CYSLTR1: variants seen among roughly 807,000 people sequenced by gnomAD.
CYSLTR1 encodes the protein G-protein coupled receptor HG55.
CYSLTR1 carries 1 observed loss-of-function variant against 2.1 expected under a neutral mutation model. The ratio of observed to expected loss-of-function variants is 0.48; its 90% CI spans 0.17 to 2.28. The LOEUF (loss-of-function observed/expected upper bound fraction) is 2.28. Ranked by LOEUF, CYSLTR1 falls within the 30% of genes most tolerant of loss-of-function variation. The pLI, the probability that CYSLTR1 is intolerant of heterozygous loss-of-function variation, is 0.26. For missense variants in CYSLTR1, 299 were observed against 250.1 expected (o/e 1.20, Z -1.32); for synonymous variants, 110 against 89.6 (o/e 1.23, Z -1.28).
intron 1 of CYSLTR1, among the ~76,000 whole-genome samples, chrX:78,287,260 T>C (rs988234033): frequency 1.8e-5 from 2 of 112,129 alleles, no homozygotes; most frequent in Non-Finnish European, 3.8e-5. Context: ...GAAGTACTGA[T>C]ACATGCTACA....
chrX:78,303,939 T>G (rs1922928097), intron 1 of CYSLTR1, among the ~76,000 whole-genome samples: 1 of 111,891 alleles, frequency 8.9e-6, no homozygotes, highest in Admixed American at 9.5e-5. Flanking sequence ...AGGGTATTTC[T>G]GTTTTTTGAG....
At position 78,291,163 on chromosome X, in the gene CYSLTR1, T is replaced by C. The variant is rs767274075; in HGVS notation, c.-114-7623A>G. Reference sequence around the variant, plus strand: ...CCTAATTTATTGAGAGTTTTTAGCATGAAGGGCTGTTGAATTTTGTTGAAG... The same window carrying C: ...CCTAATTTATTGAGAGTTTTTAGCACGAAGGGCTGTTGAATTTTGTTGAAG... On this transcript the variant is annotated intron_variant, in intron 1 of 2. Transcript: ENST00000373304. Among the ~76,000 whole-genome samples, 7 of 112,011 alleles carry C rather than the reference T, an allele frequency of 6.2e-5. No individual in the cohort carries two copies. The South Asian group carries it at 2.6e-3, about 42-fold the overall frequency.
intron 2 of CYSLTR1, among the ~76,000 whole-genome samples, chrX:78,280,035 C>T (rs1029845839): frequency 9.0e-6 from 1 of 110,807 alleles, no homozygotes; most frequent in African/African-American, 3.3e-5. Flanking sequence ...ACCATTTGTA[C>T]CCTAATCCTC....
At chrX:78,281,519 T>G (rs1479945205) in intron 2 of CYSLTR1, among the ~76,000 whole-genome samples, 1 of 111,019 alleles carries the variant, frequency 9.0e-6, no homozygotes, top group Admixed American at 9.6e-5. Context: ...GTTATCTGCC[T>G]GCCTTGGCCT....
chrX:78,322,491 GTGAT>G (rs1460159090), intron 1 of CYSLTR1, among the ~76,000 whole-genome samples: 1 of 111,755 alleles, frequency 8.9e-6, no homozygotes, highest in Non-Finnish European at 1.9e-5. Flanking sequence ...TGTTTATTGA[GTGAT>G]TGTTTATTGA....
chrX:78,295,659 T>C (rs1463828166), intron 1 of CYSLTR1, among the ~76,000 whole-genome samples: 1 of 112,022 alleles, frequency 8.9e-6, no homozygotes, highest in Non-Finnish European at 1.9e-5. Context: ...GTTGAATGCC[T>C]TTTCATATGC....
At chrX:78,293,489 G>A (rs1341150610) in intron 1 of CYSLTR1, among the ~76,000 whole-genome samples, 2 of 110,794 alleles carry the variant, frequency 1.8e-5, no homozygotes, top group Non-Finnish European at 3.8e-5. Context: ...TATCTTTTTG[G>A]CATTCTCTGT....
chrX:78,290,881 A>G (rs942953826), intron 1 of CYSLTR1, among the ~76,000 whole-genome samples: 32 of 112,056 alleles, frequency 2.9e-4, no homozygotes, highest in Non-Finnish European at 7.5e-5. Flanking sequence ...TTTCCTAAAT[A>G]TACAATCATG....
chrX:78,286,110 C>G (rs1348953269), intron 1 of CYSLTR1, among the ~76,000 whole-genome samples: 5 of 111,084 alleles, frequency 4.5e-5, no homozygotes, highest in African/African-American at 1.6e-4. Context: ...AACCTATAAC[C>G]TGGTCAAGCT....
chrX:78,318,062 T>A (rs1267943683), intron 1 of CYSLTR1, among the ~76,000 whole-genome samples: 1 of 112,345 alleles, frequency 8.9e-6, no homozygotes, highest in Non-Finnish European at 1.9e-5. Context: ...TATAAATTCT[T>A]CTATTATAAG....
At chrX:78,313,171 C>T (rs777250805) in intron 1 of CYSLTR1, among the ~76,000 whole-genome samples, 1 of 111,758 alleles carries the variant, frequency 8.9e-6, no homozygotes, top group Non-Finnish European at 1.9e-5. Flanking sequence ...GCAAGATGGA[C>T]GGAGCTGGAG....
intron 1 of CYSLTR1, among the ~76,000 whole-genome samples, chrX:78,286,890 C>T (rs1169525443): frequency 9.0e-6 from 1 of 111,258 alleles, no homozygotes; most frequent in Non-Finnish European, 1.9e-5. Context: ...TGTGATATCT[C>T]ATTTTGATTT....
intron 1 of CYSLTR1, among the ~76,000 whole-genome samples, chrX:78,292,265 G>A (rs903083864): frequency 8.9e-6 from 1 of 112,170 alleles, no homozygotes; most frequent in African/African-American, 3.2e-5. Context: ...CAGTTTCCAT[G>A]TAGTTGAGCA....
At chrX:78,289,140 T>A (rs1922205393) in intron 1 of CYSLTR1, among the ~76,000 whole-genome samples, 1 of 99,021 alleles carries the variant, frequency 1.0e-5, no homozygotes, top group African/African-American at 3.7e-5. Flanking sequence ...CAGGCCCTGG[T>A]GTGTGATGTT....
intron 1 of CYSLTR1, among the ~76,000 whole-genome samples, chrX:78,283,836 C>T: frequency 8.9e-6 from 1 of 112,115 alleles, no homozygotes; most frequent in Non-Finnish European, 1.9e-5. Flanking sequence ...ATTCCTCTCT[C>T]TATGAAACCA....
At chrX:78,303,144 C>A (rs988627854) in intron 1 of CYSLTR1, among the ~76,000 whole-genome samples, 6 of 111,718 alleles carry the variant, frequency 5.4e-5, no homozygotes, top group Non-Finnish European at 9.4e-5. Context: ...GGTTTAAATG[C>A]CCCCTCCATG....
intron 2 of CYSLTR1, among the ~76,000 whole-genome samples, chrX:78,277,757 A>G (rs2149182348): frequency 8.9e-6 from 1 of 111,929 alleles, no homozygotes; most frequent in Admixed American, 9.5e-5. Flanking sequence ...ATAATATAAA[A>G]GCAAAAAGCC....
intron 2 of CYSLTR1, among the ~76,000 whole-genome samples, chrX:78,275,882 G>A (rs1216618957): frequency 2.7e-5 from 3 of 111,528 alleles, no homozygotes; most frequent in Non-Finnish European, 5.7e-5. Context: ...CTAGAACATG[G>A]TTGACTCTAC....
chrX:78,288,684 T>C (rs1209560919), intron 1 of CYSLTR1, among the ~76,000 whole-genome samples: 1 of 112,388 alleles, frequency 8.9e-6, no homozygotes, highest in Non-Finnish European at 1.9e-5. Context: ...ATCTTTCTCC[T>C]CAAGCATTTG....
Sources: gnomAD v4.1 joint callset for allele counts (sites outside exome capture counted in the v4.1 genomes callset) on GRCh38, gnomAD v4.1.1 for gene constraint, MANE v1.5 for transcripts, NCBI Gene and HGNC (gene_info 2026-07-23, HGNC 2026-07-21) for gene names.